The following ERCC6 variants were observed in gnomAD, a reference collection of about 807,000 sequenced individuals.
The protein encoded by ERCC6 is DNA excision repair protein ERCC-6.
A neutral mutation model predicts 158.7 loss-of-function variants in ERCC6; 116 were observed. That is an observed-to-expected ratio of 0.73 (90% CI 0.63 to 0.85). The LOEUF is 0.85. Ranked by LOEUF, ERCC6 falls within the 40% of genes least tolerant of loss-of-function variation. The pLI, the probability that ERCC6 is intolerant of heterozygous loss-of-function variation, is 0.00. For missense variants in ERCC6, 1,698 were observed against 1,799.4 expected (o/e 0.94, Z 1.02); for synonymous variants, 678 against 659.3 (o/e 1.03, Z -0.43).
chr10:49,489,309 T>A (rs1851131807), intron 8 of ERCC6, among the ~76,000 whole-genome samples: 1 of 152,232 alleles, frequency 6.6e-6, no homozygotes, highest in Non-Finnish European at 1.5e-5. Flanking sequence ...AAATATTCTT[T>A]GTTTCTAACA....
intron 13 of ERCC6, 57 bp from the exon 14 acceptor site, chr10:49,473,644 C>T (rs1850822913): frequency 2.1e-6 from 2 of 964,506 alleles, no homozygotes. Context: ...CCAGTGAGTG[C>T]TTCTCTATTT....
At chr10:49,509,758 C>A (rs1159579227) in intron 5 of ERCC6, among the ~76,000 whole-genome samples, 2 of 152,022 alleles carry the variant, frequency 1.3e-5, no homozygotes. Flanking sequence ...AAAAAGTAGA[C>A]CAGTTAACTG....
rs374470147 is a variant in ERCC6, at chr10:49,473,490, G to A, written c.2696C>T (p.Thr899Met). Residue 899 changes from threonine to methionine, a missense_variant, in exon 14 of 21, where the codon ACG becomes ATG. Thr to Met is a moderately conservative substitution (Grantham distance 81). Coordinates refer to ENST00000355832, the MANE Select transcript of ERCC6 (RefSeq NM_000124.4). ...TTIASRQPLITRYNEDTSIFV... is the reference protein window; with the variant it reads ...TTIASRQPLIMRYNEDTSIFV... ...TTCACATGTTACCTCATTGTATCTC[G>A]TAATCAGTGGCTGTCTTGAAGCTAT... 40 of 1,603,224 alleles carry A rather than the reference G, an allele frequency of 2.5e-5. No homozygotes were observed. Among genetic ancestry groups the A allele is most frequent in the South Asian group, 1.9e-4 (17 of 90,896 alleles).
chr10:49,503,715 A>C (rs1590439117), intron 6 of ERCC6: 3 of 152,214 alleles, frequency 2.0e-5, no homozygotes, highest in African/African-American at 7.2e-5. Context: ...ACATAGTTTA[A>C]ATAAAAACAT....
At chr10:49,473,302 G>A (rs540433214) in intron 14 of ERCC6, among the ~76,000 whole-genome samples, 175 bp downstream of exon 14, 60 of 152,126 alleles carry the variant, frequency 3.9e-4, no homozygotes, top group East Asian at 1.2e-3. Context: ...CACAATCCCC[G>A]CCCCCAAATA....
At chr10:49,464,903 GA>G (rs757209271) in intron 18 of ERCC6, among the ~76,000 whole-genome samples, 5 of 152,254 alleles carry the variant, frequency 3.3e-5, no homozygotes, top group Non-Finnish European at 7.3e-5. Context: ...TTCTCATGGA[GA>G]ATCTCTCCTA....
At chr10:49,518,845 T>C (rs1043025818) in intron 5 of ERCC6, among the ~76,000 whole-genome samples, 3 of 152,208 alleles carry the variant, frequency 2.0e-5, no homozygotes, top group Non-Finnish European at 2.9e-5. Flanking sequence ...TAGAAGACAT[T>C]CTGTAAGACT....
chr10:49,447,692 A>C, the ERCC6 span, among the ~76,000 whole-genome samples: 6 of 125,210 alleles, frequency 4.8e-5, no homozygotes, highest in Non-Finnish European at 6.9e-5. Context: ...CAGCAGAGCA[A>C]GACTGTCTCA....
chr10:49,527,451 G>A (rs1000765861), intron 4 of ERCC6, among the ~76,000 whole-genome samples: 1 of 152,210 alleles, frequency 6.6e-6, no homozygotes, highest in African/African-American at 2.4e-5. Context: ...AAGGTGAGCA[G>A]ATCACCTGAC....
rs1850533968 is a variant in ERCC6 at position 49,459,211 on chromosome 10, T to C, written c.4086A>G (p.Gly1362=). ...KCQDGIMKKE[G]KDNVPEHFSG... ...TAAAATGCTCAGGGACATTATCTTTTCCCTCCTTTTTCATGATGCCATCCT... is the reference window on the plus strand; with the variant it reads ...TAAAATGCTCAGGGACATTATCTTTCCCCTCCTTTTTCATGATGCCATCCT... Residue 1362 remains glycine (G), a synonymous_variant, in exon 21 of 21, where the codon GGA becomes GGG. Coordinates refer to ENST00000355832, the MANE Select transcript of ERCC6 (RefSeq NM_000124.4). 1.2e-6 allele frequency: 2 copies of C among 1,614,178 alleles called. No homozygotes were observed. The highest frequency in any genetic ancestry group is 2.2e-5 in the South Asian group (2 of 91,078).
At chr10:49,472,644 C>T in intron 15 of ERCC6, 174 bp from the exon 16 acceptor site, 1 of 745,888 alleles carries the variant, frequency 1.3e-6, no homozygotes. Flanking sequence ...GTTGAAAAGA[C>T]ATCTCTACTT....
At chr10:49,538,265 C>T (rs1837649822) in intron 1 of ERCC6, among the ~76,000 whole-genome samples, 2 of 152,200 alleles carry the variant, frequency 1.3e-5, no homozygotes, top group Non-Finnish European at 2.9e-5. Flanking sequence ...TGAGAGGGGA[C>T]AGGCAAGGGC....
intron 1 of ERCC6, among the ~76,000 whole-genome samples, chr10:49,533,960 C>T (rs1026983883): frequency 2.0e-5 from 3 of 151,438 alleles, no homozygotes; most frequent in African/African-American, 7.3e-5. Flanking sequence ...ATGGTGAAAC[C>T]CGATCTCTAC....
chr10:49,487,850 T>G lies in ERCC6; in HGVS notation c.1822-4334A>C, dbSNP rs529998290. ...AGATGTATTAATGATTAACAAGAAT[T>G]AAAAAGATGCTTATGTAAAAAGAAC... On this transcript the variant is annotated intron_variant, in intron 8 of 20. Coordinates refer to ENST00000355832, the MANE Select transcript of ERCC6 (RefSeq NM_000124.4). Among the ~76,000 whole-genome samples the G allele has an allele frequency of 7.2e-5, 11 of 152,280 alleles. No individual in the cohort carries two copies. In the South Asian group the frequency reaches 2.3e-3, roughly 32 times the overall value.
rs1850520017 is a variant in ERCC6, at chr10:49,458,530, G to A, written c.*285C>T. ...GCATCTTTTGGGTAAAGGAACAAAT[G>A]TGCTCCAAGGAGTAACTGTTAGGTA... is the stretch of plus-strand genomic sequence containing the variant. On this transcript the variant is annotated 3_prime_UTR_variant, in exon 21 of 21. Coordinates refer to ENST00000355832, the MANE Select transcript of ERCC6 (RefSeq NM_000124.4). 1 of 387,342 alleles carries A rather than the reference G, an allele frequency of 2.6e-6. No homozygotes were observed. The highest frequency in any genetic ancestry group is 2.7e-5 in the South Asian group (1 of 36,982). 24.0% of individuals were successfully genotyped at this position (387,342 alleles called of 1,614,324 possible). A position where few individuals can be genotyped will look rare whatever the true frequency, so the allele number is the denominator to read the frequency against.
At chr10:49,493,063 T>C in intron 8 of ERCC6, 54 bp downstream of exon 8, 2 of 1,590,678 alleles carry the variant, frequency 1.3e-6, no homozygotes, top group Admixed American at 3.3e-5. Flanking sequence ...AAACCAAATA[T>C]GTAAAATGGA....
chr10:49,510,229 T>C (rs945883683), intron 5 of ERCC6, among the ~76,000 whole-genome samples: 1 of 152,134 alleles, frequency 6.6e-6, no homozygotes, highest in Non-Finnish European at 1.5e-5. Context: ...GCCGCATCAA[T>C]GGAACCCTGA....
chr10:49,458,657 T>C lies in ERCC6; in HGVS notation c.*158A>G, dbSNP rs1850522447. ...AAAACTTTTAACTTTCAGAGAAGAG[T>C]TTCTTCTTCCTTAAAGTTTTAATTC... is the stretch of plus-strand genomic sequence containing the variant. On this transcript the variant is annotated 3_prime_UTR_variant, in exon 21 of 21. Transcript: ENST00000355832. 1.4e-6 allele frequency: 1 copy of C among 710,070 alleles called. No homozygotes were observed. The highest frequency in any genetic ancestry group is 1.8e-5 in the African/African-American group (1 of 55,560). The allele number at this position is 710,070 out of a possible 1,614,324, so 44.0% of individuals were successfully genotyped here. A position where few individuals can be genotyped will look rare whatever the true frequency, so the allele number is the denominator to read the frequency against.
the ERCC6 span, among the ~76,000 whole-genome samples, chr10:49,447,063 G>C: frequency 9.7e-4 from 147 of 152,030 alleles, 1 homozygote; most frequent in Non-Finnish European, 1.4e-3. Context: ...TGAAACTGCA[G>C]AACACCAATG....
Sources: gnomAD v4.1 joint callset for allele counts (sites outside exome capture counted in the v4.1 genomes callset) on GRCh38, gnomAD v4.1.1 for gene constraint, MANE v1.5 for transcripts, NCBI Gene and HGNC (gene_info 2026-07-23, HGNC 2026-07-21) for gene names.